The following PITHD1 variants were observed in gnomAD, a reference collection of about 807,000 sequenced individuals.
The protein encoded by PITHD1 is PITH domain containing 1.
PITHD1 carries 8 observed loss-of-function variants against 27.5 expected under a neutral mutation model. The ratio of observed to expected loss-of-function variants is 0.29; its 90% CI spans 0.17 to 0.52. The LOEUF is 0.52. PITHD1 is among the 20% of genes least tolerant of loss of function. The pLI, the probability that PITHD1 is intolerant of heterozygous loss-of-function variation, is 0.96. For missense variants in PITHD1, 233 were observed against 283.9 expected, an observed-to-expected ratio of 0.82 and a Z score of 1.29; for synonymous variants, 118 against 106.8, an observed-to-expected ratio of 1.10 and a Z score of -0.64.
intron 3 of PITHD1, among the ~76,000 whole-genome samples, chr1:23,781,578 C>T (rs975656976): frequency 6.6e-6 from 1 of 151,924 alleles, no homozygotes; most frequent in Non-Finnish European, 1.5e-5. Flanking sequence ...TGTATTTAAT[C>T]ATTTTAAGGA....
intron 3 of PITHD1, among the ~76,000 whole-genome samples, chr1:23,782,692 C>T (rs1220645280): frequency 6.6e-6 from 1 of 151,984 alleles, no homozygotes; most frequent in African/African-American, 2.4e-5. Context: ...GCCTCGACCT[C>T]CTCAGTTCAA....
Position 23,787,272 on chromosome 1 carries a change from C to T in PITHD1, c.535-3C>T, listed in dbSNP as rs771346822. ...GGCTGACCCAGCCTCAATTTTCTTG[C>T]AGCTTCGCCGACACGAGGTGACCAT... On this transcript the variant is annotated splice_polypyrimidine_tract_variant and splice_region_variant and intron_variant, in intron 5 of 5. Coordinates refer to ENST00000246151, the MANE Select transcript of PITHD1 (RefSeq NM_020362.5). The T allele has an allele frequency of 6.2e-7, 1 of 1,611,608 alleles. No individual in the cohort carries two copies. The highest frequency in any genetic ancestry group is 1.1e-5 in the South Asian group (1 of 90,966).
At chr1:23,784,230 C>CTTTCT (rs1248166428) in intron 3 of PITHD1, among the ~76,000 whole-genome samples, 5 of 104,020 alleles carry the variant, frequency 4.8e-5, no homozygotes, top group African/African-American at 1.8e-4. Flanking sequence ...TAAACATTTG[C>CTTTCT]TTTCTTTTTT....
intron 3 of PITHD1, among the ~76,000 whole-genome samples, chr1:23,783,116 C>T (rs1461193408): frequency 6.6e-6 from 1 of 151,656 alleles, no homozygotes; most frequent in African/African-American, 2.4e-5. Flanking sequence ...CCCATCTCAG[C>T]CTCCTGAGTA....
intron 3 of PITHD1, among the ~76,000 whole-genome samples, chr1:23,781,142 C>T (rs1433602687): frequency 2.6e-5 from 4 of 151,926 alleles, no homozygotes; most frequent in East Asian, 1.9e-4. Flanking sequence ...GAGCCAGGAT[C>T]GTGCCACTGC....
chr1:23,782,462 G>A (rs1638616548), intron 3 of PITHD1, among the ~76,000 whole-genome samples: 1 of 151,516 alleles, frequency 6.6e-6, no homozygotes, highest in Admixed American at 6.6e-5. Flanking sequence ...GGGCACAGTG[G>A]CTCATGCCTC....
chr1:23,782,224 G>T (rs1369391817), intron 3 of PITHD1, among the ~76,000 whole-genome samples: 3 of 152,112 alleles, frequency 2.0e-5, no homozygotes, highest in Admixed American at 2.0e-4. Context: ...TTCAAGACCA[G>T]CCTGGCCAAC....
intron 1 of PITHD1, among the ~76,000 whole-genome samples, chr1:23,779,076 A>G (rs929235801): frequency 2.0e-5 from 3 of 152,198 alleles, no homozygotes; most frequent in African/African-American, 7.2e-5. Flanking sequence ...GTTCCCATAT[A>G]GAGCAAATGT....
chr1:23,781,668 G>A (rs1307403359), intron 3 of PITHD1, among the ~76,000 whole-genome samples: 1 of 152,176 alleles, frequency 6.6e-6, no homozygotes, highest in Non-Finnish European at 1.5e-5. Context: ...CATCCATGCT[G>A]CATTGTGATT....
chr1:23,779,647 G>A (rs1204094604), intron 2 of PITHD1, 166 bp downstream of exon 2: 2 of 671,206 alleles, frequency 3.0e-6, no homozygotes, highest in Non-Finnish European at 5.3e-6. Flanking sequence ...GTGCAGACTG[G>A]AAACAGATGT....
At chr1:23,786,113 C>T (rs1638678347) in intron 4 of PITHD1, among the ~76,000 whole-genome samples, 1 of 152,142 alleles carries the variant, frequency 6.6e-6, no homozygotes, top group African/African-American at 2.4e-5. Flanking sequence ...AGTGTTTATC[C>T]CTACTGCCTT....
At position 23,782,327 on chromosome 1, in the gene PITHD1, G is replaced by T. The variant is rs539750961; in HGVS notation, c.320+2386G>T. Among the ~76,000 whole-genome samples, 8 of 152,132 alleles carry T rather than the reference G, an allele frequency of 5.3e-5. No homozygotes were observed. The East Asian group carries it at 7.7e-4, about 15-fold the overall frequency. On this transcript the variant is annotated intron_variant, in intron 3 of 5. Transcript: ENST00000246151. ...CCAGCTATTCGGGAGGCTGAGGCAG[G>T]AGAATCACTTGAACCCGGGAGGCGG... is the stretch of plus-strand genomic sequence containing the variant.
chr1:23,785,988 A>T (rs1286186052), intron 4 of PITHD1, among the ~76,000 whole-genome samples: 1 of 152,212 alleles, frequency 6.6e-6, no homozygotes, highest in Non-Finnish European at 1.5e-5. Context: ...ATGAACTCCT[A>T]GGGTGGTTTT....
In PITHD1 at chr1:23,778,509, C is replaced by A. The variant is rs1477658105; in HGVS notation, c.-7C>A. The A allele has an allele frequency of 3.7e-6, 5 of 1,347,522 alleles. No individual in the cohort carries two copies. Among genetic ancestry groups the A allele is most frequent in the Non-Finnish European group, 3.8e-6 (4 of 1,055,858 alleles). 83.5% of individuals were successfully genotyped at this position (1,347,522 alleles called of 1,614,324 possible). A position where few individuals can be genotyped will look rare whatever the true frequency, so the allele number is the denominator to read the frequency against. On this transcript the variant is annotated 5_prime_UTR_variant, in exon 1 of 6. Coordinates refer to ENST00000246151, the MANE Select transcript of PITHD1 (RefSeq NM_020362.5). ...GGCCGAGAGGACGCGCAGGTGGCGG[C>A]GTTGCCATGTCGCACGGTCACAGCC...
Position 23,787,265 on chromosome 1 carries a change from TTTC to T in PITHD1, c.535-7_535-5del, listed in dbSNP as rs1570615232. ...AATGGCTGGCTGACCCAGCCTCAAT[TTTC>T]TTGCAGCTTCGCCGACACGAGGTGA... On this transcript the variant is annotated splice_polypyrimidine_tract_variant and splice_region_variant and intron_variant, in intron 5 of 5. Transcript: ENST00000246151. 6.2e-7 allele frequency: 1 copy of T among 1,610,054 alleles called. No individual in the cohort carries two copies. The highest frequency in any genetic ancestry group is 1.7e-5 in the Admixed American group (1 of 59,978).
chr1:23,787,687 T>C lies in PITHD1; in HGVS notation c.*311T>C, dbSNP rs1193041318. 5.1e-6 allele frequency: 1 copy of C among 197,100 alleles called. No homozygotes were observed. The highest frequency in any genetic ancestry group is 1.2e-4 in the East Asian group (1 of 8,494). The allele number at this position is 197,100 out of a possible 1,614,324, so 12.2% of individuals were successfully genotyped here. A position where few individuals can be genotyped will look rare whatever the true frequency, so the allele number is the denominator to read the frequency against. ...TGTGGCCATGTGATTCCAAGTGTCA[T>C]GTTGCTTTGTGGCAAGATTGTTGTG... On this transcript the variant is annotated 3_prime_UTR_variant, in exon 6 of 6. Coordinates refer to ENST00000246151, the MANE Select transcript of PITHD1 (RefSeq NM_020362.5).
chr1:23,780,634 C>T (rs888594325), intron 3 of PITHD1, among the ~76,000 whole-genome samples: 15 of 152,162 alleles, frequency 9.9e-5, no homozygotes, highest in Non-Finnish European at 1.8e-4. Flanking sequence ...GTAATCCCAG[C>T]ACTTTGGGAG....
At position 23,779,994 on chromosome 1, in the gene PITHD1, G is replaced by A. The variant is rs1419248024; in HGVS notation, c.320+53G>A. On this transcript the variant is annotated intron_variant, in intron 3 of 5. Transcript: ENST00000246151. ...AGGAGCTCCTAATTCTCTTTTTCTG[G>A]TAACATTTTATTCCAGAATAGTATC... 11 of 1,128,608 alleles carry A rather than the reference G, an allele frequency of 9.7e-6. No homozygotes were observed. In the Admixed American group the frequency reaches 1.9e-4, roughly 20 times the overall value. 69.9% of individuals were successfully genotyped at this position (1,128,608 alleles called of 1,614,324 possible). A position where few individuals can be genotyped will look rare whatever the true frequency, so the allele number is the denominator to read the frequency against.
chr1:23,780,023 TTC>T, intron 3 of PITHD1, 82 bp downstream of exon 3: 1 of 905,770 alleles, frequency 1.1e-6, no homozygotes, highest in Non-Finnish European at 1.8e-6. Context: ...TAGTATCATT[TTC>T]TTCTTACCGG....
Sources: gnomAD v4.1 joint callset for allele counts (sites outside exome capture counted in the v4.1 genomes callset) on GRCh38, gnomAD v4.1.1 for gene constraint, MANE v1.5 for transcripts, NCBI Gene and HGNC (gene_info 2026-07-23, HGNC 2026-07-21) for gene names.